EZR: variants seen among roughly 807,000 people sequenced by gnomAD.
EZR encodes the protein cytovillin 2.
A neutral mutation model predicts 74.8 loss-of-function variants in EZR; 40 were observed. That is an observed-to-expected ratio of 0.53 (90% CI 0.42 to 0.70). EZR has a LOEUF of 0.70. Among genes scored for constraint, EZR ranks in the 30% least tolerant of loss-of-function variants. The pLI, the probability that EZR is intolerant of heterozygous loss-of-function variation, is 0.00. For missense variants in EZR, 678 were observed against 755.8 expected, an observed-to-expected ratio of 0.90 and a Z score of 1.21; for synonymous variants, 341 against 283.3, an observed-to-expected ratio of 1.20 and a Z score of -2.05.
chr6:158,772,526 A>G (rs1035134546), intron 8 of EZR, among the ~76,000 whole-genome samples: 8 of 152,206 alleles, frequency 5.3e-5, no homozygotes, highest in South Asian at 2.1e-4. Flanking sequence ...AGTGCCTTGC[A>G]AGACCACAAC....
chr6:158,791,291 T>TA (rs1199801714), intron 2 of EZR, among the ~76,000 whole-genome samples: 1 of 152,264 alleles, frequency 6.6e-6, no homozygotes, highest in East Asian at 1.9e-4. Context: ...AGACATGTTT[T>TA]AAAGTCTTTA....
Position 158,765,783 on chromosome 6 carries a change from T to A in EZR, c.*1131A>T, listed in dbSNP as rs536448084. ...AAGCTTTTATTTCATGTCTGCGGCA[T>A]GGAATCCACCTGCACATGGCATCTT... is the stretch of plus-strand genomic sequence containing the variant. On this transcript the variant is annotated 3_prime_UTR_variant, in exon 14 of 14. Transcript: ENST00000367075. 6.6e-6 allele frequency: 1 copy of A among 152,360 alleles called. No individual in the cohort carries two copies. The highest frequency in any genetic ancestry group is 2.1e-4 in the South Asian group (1 of 4,828). The allele number at this position is 152,360 out of a possible 1,614,324, so 9.4% of individuals were successfully genotyped here.
intron 9 of EZR, 33 bp from the exon 10 acceptor site, chr6:158,770,927 T>C (rs1287134715): frequency 1.9e-6 from 3 of 1,614,090 alleles, no homozygotes; most frequent in Non-Finnish European, 2.5e-6. Flanking sequence ...CAGGGAGATT[T>C]AGACTCTGGC....
chr6:158,777,610 C>T (rs1430539903), intron 7 of EZR, among the ~76,000 whole-genome samples: 1 of 152,236 alleles, frequency 6.6e-6, no homozygotes, highest in Non-Finnish European at 1.5e-5. Flanking sequence ...CCCACAAAAA[C>T]CTTCATTTTA....
rs555866013 is a variant in EZR, at chr6:158,801,884, C to T, written c.13-12513G>A. On this transcript the variant is annotated intron_variant, in intron 2 of 13. Coordinates refer to ENST00000367075, the MANE Select transcript of EZR (RefSeq NM_001111077.2). ...AGTTCCGAGTACAGACCAGTGTTAG[C>T]TGCTGTGGGACGTCCTGGGGCCCAT... Among the ~76,000 whole-genome samples, 17 of 152,354 alleles carry T rather than the reference C, an allele frequency of 1.1e-4. 2 individuals are homozygous for T. In the South Asian group the frequency reaches 3.3e-3, roughly 30 times the overall value.
chr6:158,799,817 T>C (rs183222779), intron 2 of EZR, among the ~76,000 whole-genome samples: 1 of 152,354 alleles, frequency 6.6e-6, no homozygotes. Flanking sequence ...TTTAAAGCTC[T>C]TCTTTCTCCC....
At chr6:158,799,350 G>A (rs1176538341) in intron 2 of EZR, among the ~76,000 whole-genome samples, 1 of 152,214 alleles carries the variant, frequency 6.6e-6, no homozygotes, top group Non-Finnish European at 1.5e-5. Context: ...ATGACCAACA[G>A]TGCCCGGGCG....
chr6:158,788,662 A>C (rs561960077), intron 3 of EZR, among the ~76,000 whole-genome samples: 18 of 152,222 alleles, frequency 1.2e-4, no homozygotes, highest in African/African-American at 2.2e-4. Context: ...AAAAAAAAAA[A>C]AACAACGCTG....
intron 2 of EZR, among the ~76,000 whole-genome samples, chr6:158,796,911 TG>T: frequency 6.6e-6 from 1 of 152,224 alleles, no homozygotes; most frequent in Non-Finnish European, 1.5e-5. Flanking sequence ...TTTATCAAAA[TG>T]GCATCTTAAA....
chr6:158,790,276 T>C (rs943175463), intron 2 of EZR, among the ~76,000 whole-genome samples: 1 of 151,956 alleles, frequency 6.6e-6, no homozygotes, highest in Non-Finnish European at 1.5e-5. Flanking sequence ...GAAAATAAAA[T>C]GTAAAAATGG....
intron 2 of EZR, among the ~76,000 whole-genome samples, chr6:158,795,466 G>T (rs777578351): frequency 1.1e-4 from 16 of 151,922 alleles, no homozygotes; most frequent in African/African-American, 3.6e-4. Context: ...AGCTCAGCTC[G>T]AACTTACTAT....
chr6:158,771,447 C>A (rs777049336), intron 8 of EZR, 40 bp from the exon 9 acceptor site: 1 of 1,536,090 alleles, frequency 6.5e-7, no homozygotes, highest in Non-Finnish European at 8.8e-7. Flanking sequence ...CAAGCTCCTT[C>A]GTTTGGTTTT....
chr6:158,775,845 T>A (rs190053281), intron 8 of EZR, among the ~76,000 whole-genome samples: 1 of 152,318 alleles, frequency 6.6e-6, no homozygotes, highest in East Asian at 1.9e-4. Flanking sequence ...ATCAATACTA[T>A]CAGATTTCAG....
At chr6:158,790,812 G>A (rs1414618664) in intron 2 of EZR, among the ~76,000 whole-genome samples, 3 of 152,164 alleles carry the variant, frequency 2.0e-5, no homozygotes, top group East Asian at 1.9e-4. Context: ...GCTACTTTAT[G>A]TCACTGTCCC....
intron 10 of EZR, among the ~76,000 whole-genome samples, chr6:158,770,277 C>T (rs1209458547): frequency 6.6e-6 from 1 of 152,238 alleles, no homozygotes; most frequent in African/African-American, 2.4e-5. Context: ...ACACCCTTCC[C>T]ATGTGTGCTG....
At chr6:158,799,884 T>C (rs1347076716) in intron 2 of EZR, among the ~76,000 whole-genome samples, 1 of 152,258 alleles carries the variant, frequency 6.6e-6, no homozygotes, top group East Asian at 1.9e-4. Context: ...AATATAACTT[T>C]GTTTCCATGT....
intron 2 of EZR, among the ~76,000 whole-genome samples, chr6:158,811,630 G>A (rs1244549106): frequency 1.3e-5 from 2 of 152,214 alleles, no homozygotes; most frequent in African/African-American, 2.4e-5. Flanking sequence ...GAAGGCCAAG[G>A]TAGGAGGATA....
At position 158,814,774 on chromosome 6, in the gene EZR, C is replaced by G. The variant is rs185474167; in HGVS notation, c.12+3308G>C. On this transcript the variant is annotated intron_variant, in intron 2 of 13. Coordinates refer to ENST00000367075, the MANE Select transcript of EZR (RefSeq NM_001111077.2). ...ACCAGGATAGTCTTGATCTCTTGACCTTGTGATCCGCCCACCTCGGCCTCC... is the reference window on the plus strand; with the variant it reads ...ACCAGGATAGTCTTGATCTCTTGACGTTGTGATCCGCCCACCTCGGCCTCC... Among the ~76,000 whole-genome samples, 113 of 152,194 alleles carry G rather than the reference C, an allele frequency of 7.4e-4. No individual in the cohort carries two copies. The East Asian group carries it at 0.018, about 25-fold the overall frequency.
chr6:158,780,100 T>C (rs1791390320), intron 7 of EZR, among the ~76,000 whole-genome samples: 1 of 151,528 alleles, frequency 6.6e-6, no homozygotes, highest in Non-Finnish European at 1.5e-5. Flanking sequence ...GGAGAACCGC[T>C]TGAACCCAGG....
Sources: allele counts gnomAD v4.1 joint callset (sites outside exome capture counted in the v4.1 genomes callset), GRCh38; gene constraint gnomAD v4.1.1; transcripts MANE v1.5; gene names NCBI Gene and HGNC (gene_info 2026-07-23, HGNC 2026-07-21).